Variants in HID1 observed in about 807,000 individuals in gnomAD.
HID1 encodes protein HID1.
In HID1, 42 loss-of-function variants were observed where a neutral mutation model predicts 89.7. The ratio of observed to expected loss-of-function variants is 0.47; its 90% confidence interval spans 0.37 to 0.61. The LOEUF is 0.61. Among genes scored for constraint, HID1 ranks in the 20% least tolerant of loss-of-function variants. The probability of loss-of-function intolerance (pLI) is 0.00; values close to 1 mark genes in which losing one functional copy is unlikely to be tolerated. For synonymous variants in HID1, 442 were observed against 433.8 expected (o/e 1.02, Z -0.24); for missense variants, 854 against 1,039.3 (o/e 0.82, Z 2.45).
At chr17:74,956,257 GATC>G (rs747751244) in intron 12 of HID1, among the ~76,000 whole-genome samples, 69 of 152,162 alleles carry the variant, frequency 4.5e-4, no homozygotes, top group Non-Finnish European at 8.5e-4. Context: ...ACACAGACAA[GATC>G]ATCCCCATTT....
chr17:74,954,467 G>T (rs1368619843), intron 13 of HID1, 102 bp from the exon 14 acceptor site: 4 of 1,533,576 alleles, frequency 2.6e-6, no homozygotes, highest in Non-Finnish European at 1.7e-6. Context: ...GGACAGGAGG[G>T]TGTCTGCCCA....
Position 74,964,636 on chromosome 17 carries a change from TG to T in HID1, c.67-5del. On this transcript the variant is annotated splice_polypyrimidine_tract_variant and splice_region_variant and intron_variant, in intron 1 of 18. Coordinates refer to ENST00000425042, the MANE Select transcript of HID1 (RefSeq NM_030630.3). The stretch of plus-strand genomic sequence containing the variant: ...CATCATCGGTGGCTTCCACGGGCTG[TG>T]GGGGGACCAAGGGTCCAGAGTTACA... The T allele has an allele frequency of 6.2e-7, 1 of 1,610,582 alleles. No homozygotes were observed. The highest frequency in any genetic ancestry group is 8.5e-7 in the Non-Finnish European group (1 of 1,178,840).
In HID1 at chr17:74,959,038, A is replaced by G; in HGVS notation, c.1022T>C (p.Ile341Thr). 1 of 1,570,978 alleles carries G rather than the reference A, an allele frequency of 6.4e-7. No individual in the cohort carries two copies. The highest frequency in any genetic ancestry group is 8.6e-7 in the Non-Finnish European group (1 of 1,164,152). The change falls in exon 9 of 19, where the codon ATC becomes ACC. Residue 341 changes from isoleucine (I) to threonine (T), a missense_variant. Physicochemically the swap from Ile to Thr is moderately conservative, Grantham distance 89. Transcript: ENST00000425042. The surrounding 1 kb of genome is among the most constrained non-coding windows in gnomAD (Gnocchi z 4.6). ...CAGCAGCCGGGCTATACCCTTGAGG[A>G]TGAACTGGAAGTCCTGGGGGCGAGG... is the stretch of plus-strand genomic sequence containing the variant. ...RIHREEDFQF[I>T]LKGIARLLSN...
rs971071193 is a variant in HID1, at chr17:74,962,467, G to C, written c.505-127C>G. 1 of 587,178 alleles carries C rather than the reference G, an allele frequency of 1.7e-6. No individual in the cohort carries two copies. Among genetic ancestry groups the C allele is most frequent in the African/African-American group, 1.9e-5 (1 of 52,908 alleles). 36.4% of individuals were successfully genotyped at this position (587,178 alleles called of 1,614,324 possible). On this transcript the variant is annotated intron_variant, in intron 4 of 18. Transcript: ENST00000425042. This position sits in a 1 kb window ranked among gnomAD's most constrained non-coding sequence, Gnocchi z 4.3. ...GAGACCGCCAGTTCTCCTAAAGACA[G>C]GTCCTCAAAATGGCCTGGCCCTCAT...
intron 2 of HID1, 143 bp downstream of exon 2, chr17:74,964,340 G>A: frequency 1.1e-6 from 1 of 950,018 alleles, no homozygotes; most frequent in South Asian, 1.7e-5. Context: ...GCCCAGCAAA[G>A]AGAACCACAG....
At chr17:74,969,608 T>C (rs1209322829) in intron 1 of HID1, among the ~76,000 whole-genome samples, 1 of 151,964 alleles carries the variant, frequency 6.6e-6, no homozygotes, top group African/African-American at 2.4e-5. Flanking sequence ...TCTTTTTCTT[T>C]TGTTTGTTTT....
At chr17:74,968,595 G>A (rs892050523) in intron 1 of HID1, among the ~76,000 whole-genome samples, 4 of 152,184 alleles carry the variant, frequency 2.6e-5, no homozygotes, top group Non-Finnish European at 1.5e-5. Flanking sequence ...CTGGGGCTGG[G>A]GTTTGCTGGC....
rs1325474446 is a variant in HID1 at position 74,961,776 on chromosome 17, C to T, written c.728+97G>A. 5 of 627,334 alleles carry T rather than the reference C, an allele frequency of 8.0e-6. No individual in the cohort carries two copies. In the East Asian group the frequency reaches 9.2e-5, roughly 12 times the overall value. The allele number at this position is 627,334 out of a possible 1,614,324, so 38.9% of individuals were successfully genotyped here. On this transcript the variant is annotated intron_variant, in intron 6 of 18. Coordinates refer to ENST00000425042, the MANE Select transcript of HID1 (RefSeq NM_030630.3). ...GTTCATCACCACCAGGGGGCAGCAC[C>T]TCCCCTCAAACGAGACCCAGAGCTG...
At chr17:74,963,276 C>T (rs185393689) in intron 3 of HID1, 195 bp from the exon 4 acceptor site, 11 of 551,558 alleles carry the variant, frequency 2.0e-5, no homozygotes, top group Admixed American at 9.9e-5. Context: ...GGAGCCGGGC[C>T]GGGAACAGCG....
chr17:74,963,519 C>T (rs2039516512), intron 3 of HID1: 1 of 589,148 alleles, frequency 1.7e-6, no homozygotes, highest in South Asian at 2.1e-5. Flanking sequence ...TCTCTCCATA[C>T]CCTACTTCCT....
intron 18 of HID1, 48 bp downstream of exon 18, chr17:74,951,857 T>C: frequency 6.8e-7 from 1 of 1,475,424 alleles, no homozygotes; most frequent in South Asian, 1.4e-5. Flanking sequence ...TGTTGAGCCC[T>C]GCTGGGCAGG....
rs2039501606 is a variant in HID1 at position 74,962,720 on chromosome 17, C to T, written c.504+245G>A. Among the ~76,000 whole-genome samples, 1 of 152,118 alleles carries T rather than the reference C, an allele frequency of 6.6e-6. No homozygotes were observed. The highest frequency in any genetic ancestry group is 2.1e-4 in the South Asian group (1 of 4,830). ...CCCTCCTGTGTCTGAGCCCCACACC[C>T]CTGGGCAAGCAAAGACAATGGGTGT... On this transcript the variant is annotated intron_variant, in intron 4 of 18. Transcript: ENST00000425042. This position sits in a 1 kb window ranked among gnomAD's most constrained non-coding sequence, Gnocchi z 4.3.
chr17:74,972,645 G>C lies in HID1; in HGVS notation c.12C>G (p.Thr4=). The change falls in exon 1 of 19, where the codon ACC becomes ACG. Residue 4 remains threonine (T), a synonymous_variant. Transcript: ENST00000425042. This position sits in a 1 kb window ranked among gnomAD's most constrained non-coding sequence, Gnocchi z 6.4. ...CCTTCCGGAAGTTCAGCTTGGAGTC[G>C]GTCGACCCCATGTCTCTGGAGCCCG... The part of the protein sequence containing the change: MGS[T]DSKLNFRKAV... 1.3e-6 allele frequency: 2 copies of C among 1,548,478 alleles called. No individual in the cohort carries two copies. The highest frequency in any genetic ancestry group is 1.7e-6 in the Non-Finnish European group (2 of 1,145,510).
In HID1 at chr17:74,954,381, A is replaced by G; in HGVS notation, c.1637-16T>C. On this transcript the variant is annotated splice_polypyrimidine_tract_variant and intron_variant, in intron 13 of 18. Coordinates refer to ENST00000425042, the MANE Select transcript of HID1 (RefSeq NM_030630.3). ...TTGGAGTTGCCTGTGGGCAGGGAGC[A>G]TGCCTCGCCTCAGGGAGGCCCCCTC... The G allele has an allele frequency of 6.4e-7, 1 of 1,554,270 alleles. No individual in the cohort carries two copies. The highest frequency in any genetic ancestry group is 8.7e-7 in the Non-Finnish European group (1 of 1,149,182).
rs1324680833 is a variant in HID1 at position 74,952,076 on chromosome 17, G to A, written c.2145-13C>T. On this transcript the variant is annotated splice_polypyrimidine_tract_variant and intron_variant, in intron 17 of 18. Transcript: ENST00000425042. ...ATCCGTCAGGCCCCTGCGGGGAGAG[G>A]GGTATCTCCAGCACACTCACGTGGT... 1 of 1,555,068 alleles carries A rather than the reference G, an allele frequency of 6.4e-7. No individual in the cohort carries two copies. The highest frequency in any genetic ancestry group is 8.7e-7 in the Non-Finnish European group (1 of 1,149,432).
At chr17:74,968,456 A>G (rs1222416575) in intron 1 of HID1, among the ~76,000 whole-genome samples, 1 of 149,042 alleles carries the variant, frequency 6.7e-6, no homozygotes, top group Non-Finnish European at 1.5e-5. Flanking sequence ...ACCCCAGCCC[A>G]CTCCCAGAGC....
At position 74,953,102 on chromosome 17, in the gene HID1, G is replaced by A. The variant is rs1158820192; in HGVS notation, c.1972-16C>T. 4 of 1,591,024 alleles carry A rather than the reference G, an allele frequency of 2.5e-6. No homozygotes were observed. In the African/African-American group the frequency reaches 4.0e-5, roughly 16 times the overall value. Reference sequence around the variant, plus strand: ...GGCTGGGCTCCTGGCCCCCAGAAAGGAACAGGGGTGAGGGATGGTGGCGGT... The same window carrying A: ...GGCTGGGCTCCTGGCCCCCAGAAAGAAACAGGGGTGAGGGATGGTGGCGGT... On this transcript the variant is annotated splice_polypyrimidine_tract_variant and intron_variant, in intron 15 of 18. Coordinates refer to ENST00000425042, the MANE Select transcript of HID1 (RefSeq NM_030630.3).
Position 74,962,054 on chromosome 17 carries a change from A to C in HID1, c.612-65T>G. ...CCCCTCTTGGAGGTTCTGCCCACCC[A>C]GCCCAGCGCCCCAGCCCAGGTCCAT... is the stretch of plus-strand genomic sequence containing the variant. On this transcript the variant is annotated intron_variant, in intron 5 of 18. Transcript: ENST00000425042. The surrounding 1 kb of genome is among the most constrained non-coding windows in gnomAD (Gnocchi z 4.3). 7.7e-7 allele frequency: 1 copy of C among 1,300,896 alleles called. No homozygotes were observed. The highest frequency in any genetic ancestry group is 1.5e-5 in the South Asian group (1 of 66,718). 80.6% of individuals were successfully genotyped at this position (1,300,896 alleles called of 1,614,324 possible).
chr17:74,959,102 C>CA lies in HID1; in HGVS notation c.1009-52_1009-51insT. 6.7e-7 allele frequency: 1 copy of CA among 1,483,220 alleles called. No homozygotes were observed. Among genetic ancestry groups the CA allele is most frequent in the Non-Finnish European group, 8.9e-7 (1 of 1,121,062 alleles). 91.9% of individuals were successfully genotyped at this position (1,483,220 alleles called of 1,614,324 possible). ...CCTGTCCAGCCCAATCCCTGCAGCT[C>CA]CAGTTTCCCAGCCCAGGCCCCCAAC... is the stretch of plus-strand genomic sequence containing the variant. On this transcript the variant is annotated intron_variant, in intron 8 of 18. Coordinates refer to ENST00000425042, the MANE Select transcript of HID1 (RefSeq NM_030630.3). This position sits in a 1 kb window ranked among gnomAD's most constrained non-coding sequence, Gnocchi z 4.6.
Sources: allele counts gnomAD v4.1 joint callset (sites outside exome capture counted in the v4.1 genomes callset), GRCh38; gene constraint gnomAD v4.1.1; non-coding constraint Gnocchi (gnomAD v3.1); transcripts MANE v1.5; gene names NCBI Gene and HGNC (gene_info 2026-07-23, HGNC 2026-07-21).